GPAT3: variants seen among roughly 807,000 people sequenced by gnomAD.
The protein encoded by GPAT3 is glycerol-3-phosphate acyltransferase 3, also known as 1-AGP acyltransferase 9.
A neutral mutation model predicts 58.8 loss-of-function variants in GPAT3; 53 were observed. That is an observed-to-expected ratio of 0.90 (90% CI 0.72 to 1.13). GPAT3 has a LOEUF of 1.13. Ranked by LOEUF, GPAT3 falls within the 50% of genes most tolerant of loss-of-function variation. The pLI, the probability that GPAT3 is intolerant of heterozygous loss-of-function variation, is 0.00. For missense variants in GPAT3, 511 were observed against 527.6 expected, an observed-to-expected ratio of 0.97 and a Z score of 0.31; for synonymous variants, 197 against 187.4, an observed-to-expected ratio of 1.05 and a Z score of -0.42.
At chr4:83,585,415 CATTAAT>C (rs1726340863) in intron 3 of GPAT3, among the ~76,000 whole-genome samples, 2 of 150,692 alleles carry the variant, frequency 1.3e-5, no homozygotes, top group African/African-American at 4.9e-5. Flanking sequence ...CAAATTGCAA[CATTAAT>C]ATAATTTCAA....
intron 2 of GPAT3, among the ~76,000 whole-genome samples, chr4:83,557,274 A>G (rs1033329824): frequency 6.6e-6 from 1 of 152,226 alleles, no homozygotes; most frequent in South Asian, 2.1e-4. Context: ...CCATGTAGCA[A>G]TCGGAGTATT....
intron 3 of GPAT3, among the ~76,000 whole-genome samples, chr4:83,582,749 C>G (rs891560633): frequency 3.3e-5 from 5 of 151,944 alleles, no homozygotes; most frequent in African/African-American, 1.2e-4. Context: ...CAGGGAAATG[C>G]AGATTTCTAA....
chr4:83,602,404 A>G (rs1727087379), intron 11 of GPAT3, among the ~76,000 whole-genome samples: 1 of 152,244 alleles, frequency 6.6e-6, no homozygotes. Context: ...AGCCTCTTAA[A>G]AAAAAGAAAG....
At chr4:83,556,889 C>T (rs186013376) in intron 2 of GPAT3, among the ~76,000 whole-genome samples, 15 of 152,126 alleles carry the variant, frequency 9.9e-5, no homozygotes, top group Admixed American at 7.2e-4. Context: ...AAACAACAAA[C>T]ACTGATTTTT....
At chr4:83,601,534 C>G (rs1165503288) in intron 11 of GPAT3, among the ~76,000 whole-genome samples, 2 of 152,190 alleles carry the variant, frequency 1.3e-5, no homozygotes, top group South Asian at 4.1e-4. Flanking sequence ...AGGTAGATCA[C>G]CTGAGTTTAA....
chr4:83,596,723 A>G, intron 7 of GPAT3, 135 bp from the exon 8 acceptor site: 1 of 677,580 alleles, frequency 1.5e-6, no homozygotes. Flanking sequence ...ACTCAAATTT[A>G]TTTCTTTTAC....
chr4:83,581,895 C>A, intron 3 of GPAT3, 63 bp downstream of exon 3: 1 of 1,545,404 alleles, frequency 6.5e-7, no homozygotes. Flanking sequence ...GAATCATGTA[C>A]ATAATGGCCA....
intron 2 of GPAT3, among the ~76,000 whole-genome samples, chr4:83,573,043 T>C (rs1352009145): frequency 2.6e-5 from 4 of 152,220 alleles, no homozygotes; most frequent in Non-Finnish European, 4.4e-5. Context: ...TAATGAACTG[T>C]AGAAGGACAA....
At chr4:83,536,011 G>A, upstream of GPAT3, 1 of 985,462 alleles carries the variant, frequency 1.0e-6, no homozygotes, top group South Asian at 4.7e-5. Flanking sequence ...CGGCACTCCT[G>A]GGCTAAGTAC....
chr4:83,564,797 T>C (rs1272212825), intron 2 of GPAT3, among the ~76,000 whole-genome samples: 1 of 152,238 alleles, frequency 6.6e-6, no homozygotes, highest in Non-Finnish European at 1.5e-5. Flanking sequence ...ATCATACTTC[T>C]TACTGTGCAG....
At chr4:83,549,711 T>TTTTTTATTATTATTATTATTATTA (rs1553943606) in intron 2 of GPAT3, among the ~76,000 whole-genome samples, 2 of 142,860 alleles carry the variant, frequency 1.4e-5, no homozygotes, top group African/African-American at 5.3e-5. Flanking sequence ...TTTGTATATA[T>TTTTTTATTATTATTATTATTATTA]TTATTATTAT....
At chr4:83,553,003 CT>C (rs1316852923) in intron 2 of GPAT3, among the ~76,000 whole-genome samples, 1 of 152,174 alleles carries the variant, frequency 6.6e-6, no homozygotes, top group Non-Finnish European at 1.5e-5. Context: ...CACTGGCCCC[CT>C]GATCTTGGAC....
At chr4:83,552,024 C>T (rs1166667454) in intron 2 of GPAT3, among the ~76,000 whole-genome samples, 3 of 152,004 alleles carry the variant, frequency 2.0e-5, no homozygotes, top group Admixed American at 6.6e-5. Flanking sequence ...AAGATAGGTA[C>T]CTTCTTGGGA....
intron 2 of GPAT3, among the ~76,000 whole-genome samples, chr4:83,549,876 C>A (rs1724688961): frequency 6.6e-6 from 1 of 151,924 alleles, no homozygotes; most frequent in Non-Finnish European, 1.5e-5. Context: ...GCATGCACCA[C>A]CAAACCTGGC....
chr4:83,604,590 C>A, intron 11 of GPAT3, 78 bp from the exon 12 acceptor site: 3 of 1,121,474 alleles, frequency 2.7e-6, no homozygotes, highest in Non-Finnish European at 2.6e-6. Flanking sequence ...TGGTATCATG[C>A]AGCATGTAAT....
chr4:83,563,450 G>A (rs557928681), intron 2 of GPAT3, among the ~76,000 whole-genome samples: 61 of 145,502 alleles, frequency 4.2e-4, no homozygotes, highest in Non-Finnish European at 7.3e-4. Context: ...TCTAATGCAA[G>A]TCTTTATTAT....
intron 1 of GPAT3, among the ~76,000 whole-genome samples, chr4:83,539,000 T>C (rs1724199088): frequency 6.6e-6 from 1 of 152,226 alleles, no homozygotes; most frequent in Non-Finnish European, 1.5e-5. Context: ...CTCCTATGTT[T>C]GGGAGCATCT....
intron 7 of GPAT3, among the ~76,000 whole-genome samples, chr4:83,595,714 A>T (rs1476834023): frequency 7.0e-6 from 1 of 142,472 alleles, no homozygotes; most frequent in African/African-American, 2.6e-5. Context: ...ACCTTGTCTT[A>T]AAAAAAAAAA....
intron 2 of GPAT3, among the ~76,000 whole-genome samples, chr4:83,561,757 T>C (rs1461313181): frequency 6.6e-6 from 1 of 151,572 alleles, no homozygotes; most frequent in Non-Finnish European, 1.5e-5. Flanking sequence ...AGGCATTTTG[T>C]AATTGAGGAA....
Sources: allele counts gnomAD v4.1 joint callset (sites outside exome capture counted in the v4.1 genomes callset), GRCh38; gene constraint gnomAD v4.1.1; transcripts MANE v1.5; gene names NCBI Gene and HGNC (gene_info 2026-07-23, HGNC 2026-07-21).